ARHGAP29: variants seen among roughly 807,000 people sequenced by gnomAD.
ARHGAP29 encodes the protein Rho GTPase activating protein 29.
Under a neutral mutation model 122.6 loss-of-function variants are expected in ARHGAP29, and 43 were observed. The ratio of observed to expected loss-of-function variants is 0.35; its 90% CI spans 0.27 to 0.45. ARHGAP29 has a LOEUF of 0.45. ARHGAP29 is among the 20% of genes least tolerant of loss of function. The pLI is 1.00. For missense variants in ARHGAP29, 1,303 were observed against 1,477.2 expected (o/e 0.88, Z 1.93); for synonymous variants, 506 against 497.1 (o/e 1.02, Z -0.24).
the ARHGAP29 span, among the ~76,000 whole-genome samples, chr1:94,296,636 A>G: frequency 6.6e-6 from 1 of 152,108 alleles, no homozygotes; most frequent in South Asian, 2.1e-4. Flanking sequence ...CCATAGCCAA[A>G]CCCCACCAGA....
intron 1 of ARHGAP29, among the ~76,000 whole-genome samples, chr1:94,268,581 A>G (rs1047998402): frequency 6.6e-6 from 1 of 152,222 alleles, no homozygotes; most frequent in African/African-American, 2.4e-5. Flanking sequence ...TCAAGTGACT[A>G]GAATAGTGCC....
chr1:94,179,665 A>T, intron 20 of ARHGAP29, 60 bp downstream of exon 20: 1 of 1,163,502 alleles, frequency 8.6e-7, no homozygotes, highest in Non-Finnish European at 1.2e-6. Flanking sequence ...TACCACAATT[A>T]AAAACAAAAA....
intron 19 of ARHGAP29, among the ~76,000 whole-genome samples, chr1:94,181,033 CA>C (rs1284441586): frequency 6.6e-6 from 1 of 152,132 alleles, no homozygotes; most frequent in Non-Finnish European, 1.5e-5. Context: ...CAATTATACC[CA>C]ATTTCTTTTC....
At chr1:94,292,180 TTCTC>T in the ARHGAP29 span, among the ~76,000 whole-genome samples, 1 of 152,170 alleles carries the variant, frequency 6.6e-6, no homozygotes, top group Non-Finnish European at 1.5e-5. Context: ...TAATCTTGTC[TTCTC>T]TCTCTATTTC....
chr1:94,185,868 G>A (rs1405432119), intron 16 of ARHGAP29, among the ~76,000 whole-genome samples: 3 of 152,128 alleles, frequency 2.0e-5, no homozygotes, highest in Non-Finnish European at 2.9e-5. Context: ...AGGTTAGAGT[G>A]TGAGCATTAT....
intron 2 of ARHGAP29, 50 bp downstream of exon 2, chr1:94,231,357 T>C: frequency 6.6e-7 from 1 of 1,515,190 alleles, no homozygotes. Flanking sequence ...GGCCAGCATT[T>C]AAAATTTTAC....
At chr1:94,282,743 G>C in the ARHGAP29 span, among the ~76,000 whole-genome samples, 1 of 152,172 alleles carries the variant, frequency 6.6e-6, no homozygotes, top group Non-Finnish European at 1.5e-5. Flanking sequence ...TGGATGATGA[G>C]AGGGGAAGCC....
At chr1:94,285,305 A>G in the ARHGAP29 span, among the ~76,000 whole-genome samples, 6 of 152,042 alleles carry the variant, frequency 3.9e-5, no homozygotes, top group Admixed American at 2.6e-4. Context: ...ATCAACAATG[A>G]GTTGAGTGCT....
rs1327379566 is a variant in ARHGAP29, at chr1:94,189,399, AT to A, written c.1440-48del. 4 of 1,539,362 alleles carry A rather than the reference AT, an allele frequency of 2.6e-6. No individual in the cohort carries two copies. In the African/African-American group the frequency reaches 5.5e-5, roughly 21 times the overall value. On this transcript the variant is annotated intron_variant, in intron 13 of 22. Coordinates refer to ENST00000260526, the MANE Select transcript of ARHGAP29 (RefSeq NM_004815.4). ...AAAACAAAACTCAACACTCCAAAGA[AT>A]AATAATCAGTTGATTTCATTCTATG...
At chr1:94,188,156 C>T (rs562032120) in intron 15 of ARHGAP29, among the ~76,000 whole-genome samples, 78 of 152,144 alleles carry the variant, frequency 5.1e-4, no homozygotes, top group Admixed American at 1.5e-3. Context: ...CTTCTTCTCC[C>T]GCTAGCTGTA....
chr1:94,245,323 A>T (rs546436488), intron 1 of ARHGAP29, among the ~76,000 whole-genome samples: 10 of 152,332 alleles, frequency 6.6e-5, no homozygotes, highest in Non-Finnish European at 1.0e-4. Context: ...AGTCAAAAAC[A>T]AAACAACCCA....
chr1:94,286,045 T>G, the ARHGAP29 span, among the ~76,000 whole-genome samples: 1 of 152,180 alleles, frequency 6.6e-6, no homozygotes, highest in African/African-American at 2.4e-5. Flanking sequence ...TAAAATATTA[T>G]GTACTGAGTA....
At chr1:94,256,779 C>A (rs1454940937) in intron 1 of ARHGAP29, among the ~76,000 whole-genome samples, 2 of 151,478 alleles carry the variant, frequency 1.3e-5, no homozygotes, top group East Asian at 3.9e-4. Context: ...AGGATGGTCT[C>A]GATCTCCTGA....
chr1:94,215,711 T>C (rs1217910765), intron 3 of ARHGAP29, among the ~76,000 whole-genome samples: 1 of 152,060 alleles, frequency 6.6e-6, no homozygotes, highest in Non-Finnish European at 1.5e-5. Flanking sequence ...CAGAGAAGCC[T>C]TTCCTAATAC....
chr1:94,283,629 T>C, the ARHGAP29 span, among the ~76,000 whole-genome samples: 1 of 152,322 alleles, frequency 6.6e-6, no homozygotes, highest in Middle Eastern at 3.4e-3. Context: ...TAAATTATTA[T>C]TGCACTCAGT....
chr1:94,177,514 C>T, intron 22 of ARHGAP29, 98 bp downstream of exon 22: 1 of 849,044 alleles, frequency 1.2e-6, no homozygotes, highest in Non-Finnish European at 1.8e-6. Flanking sequence ...GCTTCATTCT[C>T]TGGCTTCCCT....
At chr1:94,297,268 C>T in the ARHGAP29 span, among the ~76,000 whole-genome samples, 1 of 152,182 alleles carries the variant, frequency 6.6e-6, no homozygotes, top group Non-Finnish European at 1.5e-5. Context: ...TGACAATACT[C>T]GTGGTATGTA....
chr1:94,279,407 A>C (rs1488743667), upstream of ARHGAP29, among the ~76,000 whole-genome samples: 1 of 152,142 alleles, frequency 6.6e-6, no homozygotes, highest in South Asian at 2.1e-4. Context: ...CATCTCCTCT[A>C]TGAGGTTTCT....
At chr1:94,176,067 G>A (rs1376861419) in intron 22 of ARHGAP29, among the ~76,000 whole-genome samples, 1 of 152,110 alleles carries the variant, frequency 6.6e-6, no homozygotes, top group African/African-American at 2.4e-5. Flanking sequence ...AAGGGACCTG[G>A]TTCCTTGCAA....
Sources: allele counts gnomAD v4.1 joint callset (sites outside exome capture counted in the v4.1 genomes callset), GRCh38; gene constraint gnomAD v4.1.1; transcripts MANE v1.5; gene names NCBI Gene and HGNC (gene_info 2026-07-23, HGNC 2026-07-21).